SVEP1: variants seen among roughly 807,000 people sequenced by gnomAD.
SVEP1 encodes the protein sushi, von Willebrand factor type A, EGF and pentraxin domain-containing protein 1.
SVEP1 carries 164 observed loss-of-function variants against 367.3 expected under a neutral mutation model. The ratio of observed to expected loss-of-function variants is 0.45; its 90% CI spans 0.39 to 0.51. The LOEUF is 0.51. Among genes scored for constraint, SVEP1 ranks in the 20% least tolerant of loss-of-function variants. The probability of loss-of-function intolerance (pLI) is 0.00; values close to 1 mark genes in which losing one functional copy is unlikely to be tolerated. For synonymous variants in SVEP1, 1,666 were observed against 1,611.6 expected (o/e 1.03, Z -0.81); for missense variants, 4,117 against 4,425.3 (o/e 0.93, Z 1.98).
chr9:110,577,762 G>A (rs909045615), intron 1 of SVEP1, among the ~76,000 whole-genome samples: 1 of 151,914 alleles, frequency 6.6e-6, no homozygotes, highest in Admixed American at 6.6e-5. Context: ...ACAAGCCAAT[G>A]TGTTAAGAAA....
chr9:110,444,891 T>G (rs2118593364), intron 26 of SVEP1, among the ~76,000 whole-genome samples: 1 of 152,344 alleles, frequency 6.6e-6, no homozygotes, highest in Middle Eastern at 3.4e-3. Context: ...CTTGGATTTT[T>G]GTTTTTGACA....
At chr9:110,429,416 A>G (rs1828314967) in intron 34 of SVEP1, 82 bp from the exon 35 acceptor site, 1 of 1,013,040 alleles carries the variant, frequency 9.9e-7, no homozygotes, top group Non-Finnish European at 1.4e-6. Flanking sequence ...CTCTAAAAAT[A>G]TTAAGAATTT....
chr9:110,441,498 C>T (rs571640109), intron 27 of SVEP1, among the ~76,000 whole-genome samples: 33 of 152,310 alleles, frequency 2.2e-4, no homozygotes, highest in African/African-American at 7.9e-4. Context: ...TTTGGGTCTT[C>T]CATTTCTGGA....
Position 110,386,047 on chromosome 9 carries a change from A to C in SVEP1, c.10088T>G (p.Ile3363Ser). The C allele has an allele frequency of 6.2e-7, 1 of 1,613,706 alleles. No homozygotes were observed. Among genetic ancestry groups the C allele is most frequent in the Non-Finnish European group, 8.5e-7 (1 of 1,179,746 alleles). The change falls in exon 43 of 48, where the codon ATT (isoleucine) becomes AGT (serine). Residue 3363 changes from isoleucine to serine, a missense_variant. Physicochemically the swap from Ile to Ser is moderately radical, Grantham distance 142. Coordinates refer to ENST00000374469, the MANE Select transcript of SVEP1 (RefSeq NM_153366.4). ...TTCAGACAGCAGAGCATTCTCGGGA[A>C]TCACAAAAGGAACAGGGCATGGATT... ...KPNPCPVPFV[I>S]PENALLSEKE... is the part of the protein sequence containing the mutation.
chr9:110,394,048 C>G (rs185033024), intron 40 of SVEP1, among the ~76,000 whole-genome samples: 1 of 152,196 alleles, frequency 6.6e-6, no homozygotes, highest in Admixed American at 6.5e-5. Context: ...TGACAACAGG[C>G]AGACTGCCTC....
chr9:110,374,332 A>G (rs184360476), intron 46 of SVEP1, among the ~76,000 whole-genome samples: 1 of 152,234 alleles, frequency 6.6e-6, no homozygotes, highest in East Asian at 1.9e-4. Context: ...GTTCTTTTTT[A>G]TGGCTGCAGG....
chr9:110,547,655 A>G (rs1050130723), intron 2 of SVEP1, among the ~76,000 whole-genome samples: 2 of 152,210 alleles, frequency 1.3e-5, no homozygotes, highest in African/African-American at 4.8e-5. Context: ...GAAGAGAGAT[A>G]AGTGGAGGAG....
At chr9:110,400,166 A>T (rs115735668) in intron 40 of SVEP1, among the ~76,000 whole-genome samples, 2,865 of 152,268 alleles carry the variant, frequency 0.019, 83 homozygotes, top group African/African-American at 0.065. Flanking sequence ...TGTTTGAGGA[A>T]ATCCTGGCTT....
intron 1 of SVEP1, among the ~76,000 whole-genome samples, chr9:110,556,716 T>C (rs1050509285): frequency 1.3e-5 from 2 of 152,174 alleles, no homozygotes; most frequent in African/African-American, 4.8e-5. Flanking sequence ...CTTGAACTCC[T>C]GACCTCAGGT....
intron 41 of SVEP1, among the ~76,000 whole-genome samples, chr9:110,388,798 G>A (rs763962420): frequency 1.3e-4 from 19 of 151,762 alleles, no homozygotes; most frequent in African/African-American, 4.1e-4. Context: ...GTGAAACCCC[G>A]TCTCTACTGA....
intron 3 of SVEP1, among the ~76,000 whole-genome samples, chr9:110,521,805 C>T (rs1458400568): frequency 3.3e-5 from 5 of 152,026 alleles, no homozygotes; most frequent in African/African-American, 9.7e-5. Context: ...TTATCTTTAA[C>T]GTTATTTTTC....
At chr9:110,446,877 A>T in intron 25 of SVEP1, 23 bp downstream of exon 25, 1 of 1,479,882 alleles carries the variant, frequency 6.8e-7, no homozygotes, top group Non-Finnish European at 9.0e-7. Flanking sequence ...TATTGTTATT[A>T]ATAACACTGA....
intron 47 of SVEP1, 34 bp downstream of exon 47, chr9:110,369,889 G>T: frequency 2.5e-6 from 4 of 1,574,644 alleles, no homozygotes; most frequent in Non-Finnish European, 3.5e-6. Flanking sequence ...GAGTCTTCAT[G>T]TTATAGGCGA....
At chr9:110,457,826 T>C (rs987879193) in intron 20 of SVEP1, among the ~76,000 whole-genome samples, 7 of 152,190 alleles carry the variant, frequency 4.6e-5, no homozygotes, top group Non-Finnish European at 1.0e-4. Flanking sequence ...CAAGTCATTA[T>C]GTTTGGACTA....
At chr9:110,454,588 A>G (rs1357461937) in intron 22 of SVEP1, among the ~76,000 whole-genome samples, 2 of 152,234 alleles carry the variant, frequency 1.3e-5, no homozygotes. Flanking sequence ...TTAGATAAAG[A>G]AAATGTGGTA....
At chr9:110,386,361 C>T (rs1827522549) in intron 42 of SVEP1, among the ~76,000 whole-genome samples, 1 of 152,156 alleles carries the variant, frequency 6.6e-6, no homozygotes, top group Non-Finnish European at 1.5e-5. Context: ...TGGGCCACAA[C>T]ATTATTTTAG....
rs539731694 is a variant in SVEP1 at position 110,510,686 on chromosome 9, G to C, written c.1303+2240C>G. 2.6e-5 allele frequency among the ~76,000 whole-genome samples: 4 copies of C among 152,314 alleles called. No individual in the cohort carries two copies. In the South Asian group the frequency reaches 8.3e-4, roughly 32 times the overall value. On this transcript the variant is annotated intron_variant, in intron 5 of 47. Transcript: ENST00000374469. Reference sequence around the variant, plus strand: ...AGAGGCAGGGGCCAGACCTTATCCTGAAAGGGCAGTCTTCTCTGATTTTCT... The same window carrying C: ...AGAGGCAGGGGCCAGACCTTATCCTCAAAGGGCAGTCTTCTCTGATTTTCT...
At chr9:110,447,958 T>TG (rs35556507) in intron 24 of SVEP1, among the ~76,000 whole-genome samples, 67,625 of 151,526 alleles carry the variant, frequency 0.45, 15,113 homozygotes, top group Admixed American at 0.48. Context: ...TCATGCTGAG[T>TG]GGAAAAAAAA....
chr9:110,426,125 G>C (rs983268124), intron 36 of SVEP1, among the ~76,000 whole-genome samples: 1 of 152,190 alleles, frequency 6.6e-6, no homozygotes, highest in African/African-American at 2.4e-5. Flanking sequence ...ACAATCAAAA[G>C]CCATTCCTGC....
Sources: allele counts gnomAD v4.1 joint callset (sites outside exome capture counted in the v4.1 genomes callset), GRCh38; gene constraint gnomAD v4.1.1; transcripts MANE v1.5; gene names NCBI Gene and HGNC (gene_info 2026-07-23, HGNC 2026-07-21).